The following WWP2 variants were observed in gnomAD, a reference collection of about 807,000 sequenced individuals.
WWP2 encodes WW domain containing E3 ubiquitin protein ligase 2.
WWP2 carries 57 observed loss-of-function variants against 121.0 expected under a neutral mutation model. That is an observed-to-expected ratio of 0.47 (90% CI 0.38 to 0.59). WWP2 has a LOEUF of 0.59. Among genes scored for constraint, WWP2 ranks in the 20% least tolerant of loss-of-function variants. The probability of loss-of-function intolerance (pLI) is 0.00; values close to 1 mark genes in which losing one functional copy is unlikely to be tolerated. For missense variants in WWP2, 962 were observed against 1,158.9 expected, an observed-to-expected ratio of 0.83 and a Z score of 2.47; for synonymous variants, 449 against 441.3, an observed-to-expected ratio of 1.02 and a Z score of -0.22.
At chr16:69,917,031 A>G (rs1312556065) in intron 9 of WWP2, among the ~76,000 whole-genome samples, 4 of 152,226 alleles carry the variant, frequency 2.6e-5, no homozygotes, top group Non-Finnish European at 5.9e-5. Flanking sequence ...CTCTGTCTCA[A>G]AACAAAACAA....
chr16:69,898,027 C>CT (rs369977148), intron 8 of WWP2, among the ~76,000 whole-genome samples: 64,561 of 128,030 alleles, frequency 0.5, 17,247 homozygotes, highest in East Asian at 0.89. Context: ...TTCTTTCTTT[C>CT]TTTTTTTTTT....
rs2056109627 is a variant in WWP2 at position 69,799,122 on chromosome 16, A to C, written c.219-52A>C. 6 of 1,564,436 alleles carry C rather than the reference A, an allele frequency of 3.8e-6. No individual in the cohort carries two copies. In the East Asian group the frequency reaches 1.4e-4, roughly 35 times the overall value. ...AGTTTAGTTTAAATGTTTTCTTCTA[A>C]GTTATAGGAATGATCTGCTTGGATG... On this transcript the variant is annotated intron_variant, in intron 3 of 23. Transcript: ENST00000359154. The surrounding 1 kb of genome is among the most constrained non-coding windows in gnomAD (Gnocchi z 4.5).
chr16:69,764,469 A>G (rs1351108333), intron 1 of WWP2, among the ~76,000 whole-genome samples: 1 of 152,216 alleles, frequency 6.6e-6, no homozygotes, highest in Non-Finnish European at 1.5e-5. Flanking sequence ...TTGCAATTAC[A>G]GGTGTAAGTC....
At chr16:69,783,596 A>G (rs929972539) in intron 1 of WWP2, among the ~76,000 whole-genome samples, 4 of 152,078 alleles carry the variant, frequency 2.6e-5, no homozygotes, top group Admixed American at 1.3e-4. Context: ...ATGGGAAGGC[A>G]GGGAGAGAGG....
chr16:69,934,897 C>T (rs2058772130), intron 17 of WWP2, among the ~76,000 whole-genome samples: 1 of 152,160 alleles, frequency 6.6e-6, no homozygotes, highest in Non-Finnish European at 1.5e-5. Flanking sequence ...ATGGGCGCTG[C>T]CGTTCACGCC....
chr16:69,859,717 G>A (rs896672985), intron 6 of WWP2, among the ~76,000 whole-genome samples: 5 of 151,428 alleles, frequency 3.3e-5, no homozygotes, highest in Non-Finnish European at 5.9e-5. Context: ...TCCTTCTCAC[G>A]GTGCCCCCTC....
chr16:69,821,785 T>C (rs1262452919), intron 4 of WWP2, among the ~76,000 whole-genome samples: 2 of 149,638 alleles, frequency 1.3e-5, no homozygotes, highest in African/African-American at 4.9e-5. Context: ...CTCAAACTCC[T>C]GGCCTCAAGC....
chr16:69,809,082 G>A (rs2056339789), intron 4 of WWP2, among the ~76,000 whole-genome samples: 1 of 152,206 alleles, frequency 6.6e-6, no homozygotes, highest in Admixed American at 6.5e-5. Flanking sequence ...TATTGTTTGT[G>A]GTATTGGTTG....
chr16:69,937,452 G>A lies in WWP2; in HGVS notation c.2239-96G>A. 7.1e-7 allele frequency: 1 copy of A among 1,410,742 alleles called. No individual in the cohort carries two copies. The highest frequency in any genetic ancestry group is 1.2e-5 in the South Asian group (1 of 81,882). 87.4% of individuals were successfully genotyped at this position (1,410,742 alleles called of 1,614,324 possible). ...ATTATTAACGCTGACACCAAAAATA[G>A]CTAGTTGAATATGTTTGGGGTAATG... is the stretch of plus-strand genomic sequence containing the variant. On this transcript the variant is annotated intron_variant, in intron 20 of 23. Coordinates refer to ENST00000359154, the MANE Select transcript of WWP2 (RefSeq NM_001270454.2). The surrounding 1 kb of genome is among the most constrained non-coding windows in gnomAD (Gnocchi z 6.6).
In WWP2 at chr16:69,899,566, C is replaced by T. The variant is rs1054648004; in HGVS notation, c.915-9195C>T. 2.0e-5 allele frequency among the ~76,000 whole-genome samples: 3 copies of T among 151,916 alleles called. No individual in the cohort carries two copies. In the East Asian group the frequency reaches 5.8e-4, roughly 29 times the overall value. On this transcript the variant is annotated intron_variant, in intron 8 of 23. Transcript: ENST00000359154. ...CCAAGATGGTGAAACCCTGTCTCTA[C>T]TAAAAATACAAAAATTAGCCAGGTG...
intron 8 of WWP2, among the ~76,000 whole-genome samples, chr16:69,905,056 C>A (rs920459817): frequency 2.6e-5 from 4 of 152,186 alleles, no homozygotes; most frequent in African/African-American, 9.7e-5. Context: ...CAGACCACGC[C>A]CAAATAAGGC....
At chr16:69,888,590 CT>C (rs779538505) in intron 8 of WWP2, among the ~76,000 whole-genome samples, 2 of 152,130 alleles carry the variant, frequency 1.3e-5, no homozygotes, top group Non-Finnish European at 2.9e-5. Flanking sequence ...CAGCTTTTCT[CT>C]CTTGAATTTT....
At chr16:69,908,946 A>G in intron 9 of WWP2, 96 bp downstream of exon 9, 1 of 1,580,688 alleles carries the variant, frequency 6.3e-7, no homozygotes. Context: ...GAGGTAGCAT[A>G]GCACAGTGAC....
chr16:69,854,583 C>T (rs1365710707), intron 6 of WWP2, among the ~76,000 whole-genome samples: 4 of 151,604 alleles, frequency 2.6e-5, no homozygotes, highest in Non-Finnish European at 5.9e-5. Context: ...TGGAATCTTG[C>T]TCTGTCGCCC....
intron 2 of WWP2, among the ~76,000 whole-genome samples, chr16:69,792,357 T>G (rs1221154746): frequency 6.6e-6 from 1 of 152,216 alleles, no homozygotes; most frequent in Admixed American, 6.5e-5. Context: ...TGGTCCCTTC[T>G]TAAGAGCTTT....
In WWP2 at chr16:69,925,821, A is replaced by C. The variant is rs931287443; in HGVS notation, c.1234+337A>C. ...CTCAAGAGTCCATGCTACCACTAAG[A>C]TATTTTGACACTGCCTAACTCCCAA... is the stretch of plus-strand genomic sequence containing the variant. On this transcript the variant is annotated intron_variant, in intron 11 of 23. Coordinates refer to ENST00000359154, the MANE Select transcript of WWP2 (RefSeq NM_001270454.2). The surrounding 1 kb of genome is among the most constrained non-coding windows in gnomAD (Gnocchi z 4.0). 6.6e-6 allele frequency among the ~76,000 whole-genome samples: 1 copy of C among 152,146 alleles called. No homozygotes were observed. The highest frequency in any genetic ancestry group is 1.5e-5 in the Non-Finnish European group (1 of 68,012).
intron 7 of WWP2, among the ~76,000 whole-genome samples, chr16:69,877,868 C>T (rs976400513): frequency 2.0e-5 from 3 of 152,082 alleles, no homozygotes; most frequent in Admixed American, 1.3e-4. Context: ...AGTGCAATGG[C>T]ATGATCTTGG....
In WWP2 at chr16:69,859,571, GA is replaced by G. The variant is rs200280946; in HGVS notation, c.576-12224del. ...ACCCTGTCTCAAAAAAAAAGAAAAAGAAAAAAAAAGTCATTCAGGTCCTTAG... is the reference window on the plus strand; with the variant it reads ...ACCCTGTCTCAAAAAAAAAGAAAAAGAAAAAAAAGTCATTCAGGTCCTTAG... On this transcript the variant is annotated intron_variant, in intron 6 of 23. Transcript: ENST00000359154. Among the ~76,000 whole-genome samples the G allele has an allele frequency of 3.3e-4, 50 of 150,950 alleles. No individual in the cohort carries two copies. In the East Asian group the frequency reaches 3.3e-3, roughly 10 times the overall value.
chr16:69,798,029 C>T (rs2056083511), intron 2 of WWP2, among the ~76,000 whole-genome samples: 1 of 152,204 alleles, frequency 6.6e-6, no homozygotes, highest in Non-Finnish European at 1.5e-5. Context: ...TAGCTGTTGT[C>T]TTTACACCAT....
Sources: gnomAD v4.1 joint callset for allele counts (sites outside exome capture counted in the v4.1 genomes callset) on GRCh38, gnomAD v4.1.1 for gene constraint, Gnocchi (gnomAD v3.1) non-coding constraint, MANE v1.5 for transcripts, NCBI Gene and HGNC (gene_info 2026-07-23, HGNC 2026-07-21) for gene names.